ZNF268: variants seen among roughly 807,000 people sequenced by gnomAD.
ZNF268 encodes zinc finger protein 3.
ZNF268 carries 20 observed loss-of-function variants against 29.3 expected under a neutral mutation model. The ratio of observed to expected loss-of-function variants is 0.68; its 90% CI spans 0.48 to 0.99. The LOEUF (loss-of-function observed/expected upper bound fraction) is 0.99, where lower values mean the gene tolerates loss of function less well. Ranked by LOEUF, ZNF268 falls within the 50% of genes least tolerant of loss-of-function variation. The pLI is 0.00. For synonymous variants in ZNF268, 429 were observed against 376.9 expected, an observed-to-expected ratio of 1.14 and a Z score of -1.60; for missense variants, 1,240 against 1,121.6, an observed-to-expected ratio of 1.11 and a Z score of -1.51.
chr12:133,182,024 T>C lies in ZNF268; in HGVS notation c.27T>C (p.Ser9=). The C allele has an allele frequency of 6.4e-7, 1 of 1,563,780 alleles. No individual in the cohort carries two copies. The highest frequency in any genetic ancestry group is 8.7e-7 in the Non-Finnish European group (1 of 1,153,762). The change falls in exon 2 of 6, where the codon TCT becomes TCC. Residue 9 remains serine (S), a synonymous_variant. Transcript: ENST00000536435. MATRVRTA[S]IWVPPLQERN... ...TGGCCACCAGGGTCCGGACAGCTTC[T>C]ATTTGGGTGAGTAGGGGTTTTCTTT...
chr12:133,182,150 A>C, intron 2 of ZNF268, 120 bp downstream of exon 2: 1 of 925,528 alleles, frequency 1.1e-6, no homozygotes, highest in Non-Finnish European at 1.6e-6. Context: ...CTTTTAGGCA[A>C]CTGGATCGTC....
At chr12:133,181,882 C>A in intron 1 of ZNF268, 64 bp from the exon 2 acceptor site, 1 of 1,145,586 alleles carries the variant, frequency 8.7e-7, no homozygotes, top group Non-Finnish European at 1.3e-6. Flanking sequence ...GTGCCTCGGA[C>A]CCTCCCCCTC....
chr12:133,197,628 G>C (rs1221586607), intron 5 of ZNF268, among the ~76,000 whole-genome samples: 1 of 152,176 alleles, frequency 6.6e-6, no homozygotes, highest in Non-Finnish European at 1.5e-5. Context: ...CTTCCACAAT[G>C]GTTGAACTAG....
In ZNF268 at chr12:133,204,483, TCA is replaced by T; in HGVS notation, c.2800_2801del (p.Gln934AlafsTer11). On this transcript the variant is annotated frameshift_variant, in exon 6 of 6. Coordinates refer to ENST00000536435, the MANE Select transcript of ZNF268 (RefSeq NM_003415.3). LOFTEE classifies it high-confidence loss of function. ...ATGTGGGAAAGCCTTTTGTTGGAAG[TCA>T]CAGCTCATTATGCATCAGAGAACTC... ...TECGKAFCWK[S>X]QLIMHQRTHV... The T allele has an allele frequency of 6.5e-7, 1 of 1,542,376 alleles. No homozygotes were observed. Among genetic ancestry groups the T allele is most frequent in the East Asian group, 2.4e-5 (1 of 41,418 alleles).
In ZNF268 at chr12:133,203,670, C is replaced by T; in HGVS notation, c.1984C>T (p.His662Tyr). 6.4e-7 allele frequency: 1 copy of T among 1,550,488 alleles called. No individual in the cohort carries two copies. The part of the protein sequence containing the change: ...KSQLIVHKGV[H>Y]TGVKPYGCSQ... ...ACAGCTCATTGTACATAAAGGAGTG[C>T]ACACTGGAGTAAAACCCTATGGATG... Residue 662 changes from histidine (H) to tyrosine (Y), a missense_variant, in exon 6 of 6, where the codon CAC becomes TAC. His to Tyr is a moderately conservative substitution (Grantham distance 83). This residue lies in a region of ZNF268 where 1,177 missense variants were observed against 1,039.6 expected (regional missense o/e 1.13). Transcript: ENST00000536435.
At chr12:133,186,033 T>G (rs1157406556) in intron 2 of ZNF268, among the ~76,000 whole-genome samples, 1 of 152,206 alleles carries the variant, frequency 6.6e-6, no homozygotes, top group Non-Finnish European at 1.5e-5. Flanking sequence ...AAATCATTTA[T>G]TAGGTATTAT....
At chr12:133,195,383 T>C (rs1343581520) in intron 5 of ZNF268, among the ~76,000 whole-genome samples, 1 of 152,198 alleles carries the variant, frequency 6.6e-6, no homozygotes, top group South Asian at 2.1e-4. Context: ...TAAGAATGCC[T>C]GATCATGTTC....
Position 133,202,206 on chromosome 12 carries a change from A to G in ZNF268, c.520A>G (p.Ser174Gly). The change falls in exon 6 of 6, where the codon AGT (serine) becomes GGT (glycine). Residue 174 changes from serine to glycine, a missense_variant. Coordinates refer to ENST00000536435, the MANE Select transcript of ZNF268 (RefSeq NM_003415.3). ...WHQENKDKLGSTAKSFECTTF... is the reference protein window; with the variant it reads ...WHQENKDKLGGTAKSFECTTF... The stretch of plus-strand genomic sequence containing the variant: ...TCAGGAAAATAAAGACAAGCTGGGA[A>G]GTACGGCAAAAAGCTTTGAATGCAC... The G allele has an allele frequency of 6.2e-7, 1 of 1,608,050 alleles. No homozygotes were observed. Among genetic ancestry groups the G allele is most frequent in the Non-Finnish European group, 8.5e-7 (1 of 1,177,372 alleles).
rs1166189683 is a variant in ZNF268, at chr12:133,190,059, C to T, written c.235-1430C>T. On this transcript the variant is annotated intron_variant, in intron 3 of 5. Transcript: ENST00000536435. ...TCCTGACTTTGTGATCTGCCCGCCT[C>T]GGCCTCCCAAAGTGCTAGGGTTACA... Among the ~76,000 whole-genome samples the T allele has an allele frequency of 6.6e-5, 10 of 152,342 alleles. No individual in the cohort carries two copies. The East Asian group carries it at 7.7e-4, about 12-fold the overall frequency.
Position 133,210,653 on chromosome 12 carries a change from C to T in ZNF268, c.*6123C>T. The T allele has an allele frequency of 2.8e-6, 1 of 354,156 alleles. No homozygotes were observed. Among genetic ancestry groups the T allele is most frequent in the Non-Finnish European group, 5.6e-6 (1 of 177,560 alleles). 21.9% of individuals were successfully genotyped at this position (354,156 alleles called of 1,614,324 possible). A position where few individuals can be genotyped will look rare whatever the true frequency, so the allele number is the denominator to read the frequency against. Reference sequence around the variant, plus strand: ...CACTGTGAAGTGCCCTCGGGGGTCTCCGGGTCCTGAGTAGAAGCAAGGTCT... The same window carrying T: ...CACTGTGAAGTGCCCTCGGGGGTCTTCGGGTCCTGAGTAGAAGCAAGGTCT... On this transcript the variant is annotated 3_prime_UTR_variant, in exon 6 of 6. Transcript: ENST00000536435.
At position 133,206,949 on chromosome 12, in the gene ZNF268, G is replaced by C. The variant is rs1315432175; in HGVS notation, c.*2419G>C. 1 of 152,218 alleles carries C rather than the reference G, an allele frequency of 6.6e-6. No homozygotes were observed. The highest frequency in any genetic ancestry group is 1.5e-5 in the Non-Finnish European group (1 of 68,036). 9.4% of individuals were successfully genotyped at this position (152,218 alleles called of 1,614,324 possible). On this transcript the variant is annotated 3_prime_UTR_variant, in exon 6 of 6. Transcript: ENST00000536435. ...TTCAGTTTACTACTACCTAGGGTTA[G>C]ATTTTAGTTTGTTGTTTTTTCAGAT...
At chr12:133,201,552 T>C (rs1254161088) in intron 5 of ZNF268, among the ~76,000 whole-genome samples, 1 of 152,200 alleles carries the variant, frequency 6.6e-6, no homozygotes, top group Non-Finnish European at 1.5e-5. Context: ...TAGAAAGCTT[T>C]GTTTTTGTTT....
intron 1 of ZNF268, 93 bp from the exon 2 acceptor site, chr12:133,181,853 A>T: frequency 1.3e-6 from 1 of 781,810 alleles, no homozygotes; most frequent in South Asian, 1.6e-5. Context: ...CTCAGCTCCG[A>T]GAATGGCAGG....
At position 133,203,003 on chromosome 12, in the gene ZNF268, A is replaced by AG. The variant is rs775629986; in HGVS notation, c.1321dup (p.Glu441GlyfsTer7). The AG allele has an allele frequency of 1.2e-5, 19 of 1,548,330 alleles. No individual in the cohort carries two copies. The highest frequency in any genetic ancestry group is 1.6e-5 in the Non-Finnish European group (18 of 1,152,456). ...TTATGGTACATCAGAGAACCCATAC[A>AG]GGGGAGAAACCTTATGTTTGTAGTG... is the stretch of plus-strand genomic sequence containing the variant. On this transcript the variant is annotated frameshift_variant, in exon 6 of 6. Transcript: ENST00000536435. LOFTEE classifies it low-confidence loss of function (END_TRUNC).
rs1295365118 is a variant in ZNF268, at chr12:133,207,699, T to C, written c.*3169T>C. 1 of 152,018 alleles carries C rather than the reference T, an allele frequency of 6.6e-6. No homozygotes were observed. Among genetic ancestry groups the C allele is most frequent in the East Asian group, 1.9e-4 (1 of 5,196 alleles). The allele number at this position is 152,018 out of a possible 1,614,324, so 9.4% of individuals were successfully genotyped here. On this transcript the variant is annotated 3_prime_UTR_variant, in exon 6 of 6. Coordinates refer to ENST00000536435, the MANE Select transcript of ZNF268 (RefSeq NM_003415.3). ...AACTGACACCTATAATCCCAGCTAC[T>C]TGGGAGGCTGGGACGGGAGAATCAC...
rs748059394 is a variant in ZNF268 at position 133,203,254 on chromosome 12, C to G, written c.1568C>G (p.Thr523Arg). 68 of 1,538,078 alleles carry G rather than the reference C, an allele frequency of 4.4e-5. No homozygotes were observed. Among genetic ancestry groups the G allele is most frequent in the Non-Finnish European group, 5.7e-5 (65 of 1,146,992 alleles). ...SYLIIHTRTH[T>R]GEKLHECNNC... Reference sequence around the variant, plus strand: ...CTTATTATACATACAAGGACTCATACAGGAGAAAAACTCCATGAATGCAAC... The same window carrying G: ...CTTATTATACATACAAGGACTCATAGAGGAGAAAAACTCCATGAATGCAAC... The change falls in exon 6 of 6, where the codon ACA (threonine) becomes AGA (arginine). Residue 523 changes from threonine to arginine, a missense_variant. This residue lies in a region of ZNF268 where 1,177 missense variants were observed against 1,039.6 expected (regional missense o/e 1.13). Coordinates refer to ENST00000536435, the MANE Select transcript of ZNF268 (RefSeq NM_003415.3).
chr12:133,197,024 CTTTCT>C (rs1488685635), intron 5 of ZNF268, among the ~76,000 whole-genome samples: 1 of 129,896 alleles, frequency 7.7e-6, no homozygotes, highest in African/African-American at 3.1e-5. Flanking sequence ...TCTCTAGATC[CTTTCT>C]TTTTTTTTTT....
rs528716695 is a variant in ZNF268 at position 133,210,772 on chromosome 12, T to C, written c.*6242T>C. On this transcript the variant is annotated 3_prime_UTR_variant, in exon 6 of 6. Transcript: ENST00000536435. ...TTTACTGTGATGCAGCCTCTAGTGA[T>C]CCCCAGGTCCTGAGTAGAAGGAAGG... 2.2e-6 allele frequency: 1 copy of C among 452,926 alleles called. No individual in the cohort carries two copies. Among genetic ancestry groups the C allele is most frequent in the Admixed American group, 2.4e-5 (1 of 42,510 alleles). 28.1% of individuals were successfully genotyped at this position (452,926 alleles called of 1,614,324 possible).
chr12:133,210,907 G>A lies in ZNF268; in HGVS notation c.*6377G>A. ...CCCTTCCTTACTACCTAGGCACAGT[G>A]TTGGATGGTCAGTGCTTCCTGTTTT... On this transcript the variant is annotated 3_prime_UTR_variant, in exon 6 of 6. Coordinates refer to ENST00000536435, the MANE Select transcript of ZNF268 (RefSeq NM_003415.3). 1 of 456,066 alleles carries A rather than the reference G, an allele frequency of 2.2e-6. No homozygotes were observed. The highest frequency in any genetic ancestry group is 1.5e-5 in the South Asian group (1 of 64,566). The allele number at this position is 456,066 out of a possible 1,614,324, so 28.3% of individuals were successfully genotyped here. A position where few individuals can be genotyped will look rare whatever the true frequency, so the allele number is the denominator to read the frequency against.
Sources: allele counts gnomAD v4.1 joint callset (sites outside exome capture counted in the v4.1 genomes callset), GRCh38; gene constraint gnomAD v4.1.1; regional missense constraint gnomAD v4.1.1; transcripts MANE v1.5; gene names NCBI Gene and HGNC (gene_info 2026-07-23, HGNC 2026-07-21).